HEPHL1: variants seen among roughly 807,000 people sequenced by gnomAD.
The protein encoded by HEPHL1 is ferroxidase HEPHL1.
Under a neutral mutation model 122.0 loss-of-function variants are expected in HEPHL1, and 123 were observed. The ratio of observed to expected loss-of-function variants is 1.01; its 90% CI spans 0.87 to 1.17. HEPHL1 has a LOEUF of 1.17. HEPHL1 is among the 50% of genes most tolerant of loss of function. The pLI is 0.00. For synonymous variants in HEPHL1, 527 were observed against 508.9 expected (o/e 1.04, Z -0.48); for missense variants, 1,452 against 1,430.5 (o/e 1.01, Z -0.24).
intron 13 of HEPHL1, among the ~76,000 whole-genome samples, chr11:94,096,824 C>T (rs1946320201): frequency 6.6e-6 from 1 of 152,138 alleles, no homozygotes; most frequent in Admixed American, 6.5e-5. Context: ...TTATAGTATT[C>T]TCTGATGGTA....
Position 94,055,661 on chromosome 11 carries a change from G to A in HEPHL1, c.416-7847G>A, listed in dbSNP as rs575367681. 210 of 391,118 alleles carry A rather than the reference G, an allele frequency of 5.4e-4. 1 individual carries two copies. The highest frequency in any genetic ancestry group is 3.9e-3 in the African/African-American group (192 of 49,164). The allele number at this position is 391,118 out of a possible 1,614,324, so 24.2% of individuals were successfully genotyped here. A position where few individuals can be genotyped will look rare whatever the true frequency, so the allele number is the denominator to read the frequency against. On this transcript the variant is annotated intron_variant, in intron 2 of 19. Coordinates refer to ENST00000315765, the MANE Select transcript of HEPHL1 (RefSeq NM_001098672.2). ...TCCTTTCCAATGCTGGTGAAGATGT[G>A]AGGAAGCTGGCTAGTGACAGGCTGG... is the stretch of plus-strand genomic sequence containing the variant.
intron 6 of HEPHL1, among the ~76,000 whole-genome samples, chr11:94,072,347 CA>C (rs1419558775): frequency 4.6e-5 from 7 of 151,660 alleles, no homozygotes; most frequent in Admixed American, 3.3e-4. Context: ...AAAAGATGCA[CA>C]AGGAGGATAG....
intron 9 of HEPHL1, among the ~76,000 whole-genome samples, chr11:94,078,304 T>C (rs774471198): frequency 6.6e-6 from 1 of 151,932 alleles, no homozygotes; most frequent in Non-Finnish European, 1.5e-5. Context: ...TATCCACATT[T>C]CAATACTCAG....
chr11:94,030,888 C>T (rs1945668755), intron 1 of HEPHL1, among the ~76,000 whole-genome samples: 1 of 152,126 alleles, frequency 6.6e-6, no homozygotes, highest in South Asian at 2.1e-4. Context: ...TGTTCATACA[C>T]AGTCCCAAGA....
chr11:94,024,706 A>G (rs1230725010), intron 1 of HEPHL1, among the ~76,000 whole-genome samples: 1 of 152,010 alleles, frequency 6.6e-6, no homozygotes, highest in African/African-American at 2.4e-5. Context: ...GGTCTTTATC[A>G]TGAACTTGGA....
intron 9 of HEPHL1, among the ~76,000 whole-genome samples, chr11:94,078,300 C>T (rs1946142218): frequency 6.6e-6 from 1 of 151,934 alleles, no homozygotes; most frequent in African/African-American, 2.4e-5. Flanking sequence ...TCCTTATCCA[C>T]ATTTCAATAC....
chr11:94,059,663 A>G (rs1175655848), intron 2 of HEPHL1, among the ~76,000 whole-genome samples: 1 of 152,176 alleles, frequency 6.6e-6, no homozygotes, highest in Non-Finnish European at 1.5e-5. Flanking sequence ...CTTTCAGAAC[A>G]ACTTAATAAA....
chr11:94,029,366 G>A (rs66538341), intron 1 of HEPHL1, among the ~76,000 whole-genome samples: 7,048 of 152,192 alleles, frequency 0.046, 306 homozygotes, highest in East Asian at 0.2. Context: ...GAAGTGACAC[G>A]TGGCATTTCC....
intron 2 of HEPHL1, among the ~76,000 whole-genome samples, chr11:94,047,728 G>A (rs1434069314): frequency 6.6e-6 from 1 of 152,092 alleles, no homozygotes; most frequent in African/African-American, 2.4e-5. Flanking sequence ...ATTTTTAAGT[G>A]TAATTTTTGT....
chr11:94,036,472 T>C (rs192694007), intron 1 of HEPHL1, among the ~76,000 whole-genome samples: 1 of 152,238 alleles, frequency 6.6e-6, no homozygotes, highest in East Asian at 1.9e-4. Context: ...TAGAGGAATT[T>C]TTGAGACTTG....
At chr11:94,058,857 C>T (rs1458420441) in intron 2 of HEPHL1, among the ~76,000 whole-genome samples, 1 of 152,030 alleles carries the variant, frequency 6.6e-6, no homozygotes, top group Admixed American at 6.6e-5. Context: ...TGAGTCACTG[C>T]CTCACCTGGC....
chr11:94,106,524 T>C (rs1946410658), intron 17 of HEPHL1, among the ~76,000 whole-genome samples: 1 of 152,004 alleles, frequency 6.6e-6, no homozygotes, highest in Non-Finnish European at 1.5e-5. Flanking sequence ...CTCAATCTCC[T>C]GACCTCGTGA....
chr11:94,066,713 CT>C (rs1946037796), intron 4 of HEPHL1, among the ~76,000 whole-genome samples: 1 of 152,128 alleles, frequency 6.6e-6, no homozygotes, highest in Non-Finnish European at 1.5e-5. Flanking sequence ...ATTAATTGTG[CT>C]GCCTAAGTCA....
At chr11:94,048,913 G>A (rs1174546703) in intron 2 of HEPHL1, among the ~76,000 whole-genome samples, 1 of 152,056 alleles carries the variant, frequency 6.6e-6, no homozygotes, top group Non-Finnish European at 1.5e-5. Context: ...CTGAGGTCGG[G>A]CATTTGAGAC....
intron 13 of HEPHL1, among the ~76,000 whole-genome samples, chr11:94,100,058 G>A (rs371800640): frequency 1.3e-5 from 2 of 152,158 alleles, no homozygotes; most frequent in Non-Finnish European, 2.9e-5. Context: ...AGATGAACCC[G>A]GTACCTCAGT....
At position 94,073,336 on chromosome 11, in the gene HEPHL1, T is replaced by C. The variant is rs760232781; in HGVS notation, c.1401T>C (p.Asp467=). 5.6e-6 allele frequency: 9 copies of C among 1,607,950 alleles called. No homozygotes were observed. The East Asian group carries it at 8.9e-5, about 16-fold the overall frequency. The change falls in exon 8 of 20, where the codon GAT becomes GAC. Residue 467 remains aspartate (D), a synonymous_variant. Transcript: ENST00000315765. ...CAGTCATCAAGGCAGAGGTGGGTGA[T>C]ACCCTGTTAGTGACCTTTGCCAACA... ...LGPVIKAEVG[D]TLLVTFANKA...
At position 94,034,322 on chromosome 11, in the gene HEPHL1, A is replaced by G. The variant is rs562497321; in HGVS notation, c.171-11351A>G. On this transcript the variant is annotated intron_variant, in intron 1 of 19. Coordinates refer to ENST00000315765, the MANE Select transcript of HEPHL1 (RefSeq NM_001098672.2). ...GCTCAATATGTTGATCTCTAGCTCC[A>G]TCATCCTGAAAAGTCTGCAGGGTGG... 1.5e-4 allele frequency among the ~76,000 whole-genome samples: 23 copies of G among 152,276 alleles called. No homozygotes were observed. In the South Asian group the frequency reaches 4.6e-3, roughly 30 times the overall value.
rs565834251 is a variant in HEPHL1 at position 94,021,879 on chromosome 11, AT to A, written c.170+344del. Reference sequence around the variant, plus strand: ...TTAAATGACAACACTTGGGATGAAGATTTGAGAAATTTCAAGAATTCCTTAT... The same window carrying A: ...TTAAATGACAACACTTGGGATGAAGATTGAGAAATTTCAAGAATTCCTTAT... On this transcript the variant is annotated intron_variant, in intron 1 of 19. Transcript: ENST00000315765. 3.0e-4 allele frequency among the ~76,000 whole-genome samples: 46 copies of A among 152,290 alleles called. 1 individual carries two copies. The East Asian group carries it at 8.7e-3, about 29-fold the overall frequency.
At position 94,073,055 on chromosome 11, in the gene HEPHL1, C is replaced by T. The variant is rs1946089869; in HGVS notation, c.1263C>T (p.Asp421=). The T allele has an allele frequency of 6.2e-7, 1 of 1,612,608 alleles. No individual in the cohort carries two copies. The highest frequency in any genetic ancestry group is 2.2e-5 in the East Asian group (1 of 44,862). The change falls in exon 7 of 20, where the codon GAC becomes GAT. Residue 421 remains aspartate, a synonymous_variant. Coordinates refer to ENST00000315765, the MANE Select transcript of HEPHL1 (RefSeq NM_001098672.2). ...SDSDLYFTQG[D]NRIGGKYWKV... is the part of the protein sequence containing the mutation. ...CTGATCTCTACTTCACACAAGGGGACAACAGAATAGGAGGAAAATACTGGA... is the reference window on the plus strand; with the variant it reads ...CTGATCTCTACTTCACACAAGGGGATAACAGAATAGGAGGAAAATACTGGA...
Sources: gnomAD v4.1 joint callset for allele counts (sites outside exome capture counted in the v4.1 genomes callset) on GRCh38, gnomAD v4.1.1 for gene constraint, MANE v1.5 for transcripts, NCBI Gene and HGNC (gene_info 2026-07-23, HGNC 2026-07-21) for gene names.